FXR1: variants seen among roughly 807,000 people sequenced by gnomAD.
FXR1 encodes FMR1 autosomal homolog 1, also known as RNA-binding protein FXR1.
Under a neutral mutation model 84.0 loss-of-function variants are expected in FXR1, and 15 were observed. The observed-to-expected ratio is 0.18, with a 90% CI of 0.12 to 0.27. FXR1 has a LOEUF of 0.27. Among genes scored for constraint, FXR1 ranks in the 10% least tolerant of loss-of-function variants. The pLI, the probability that FXR1 is intolerant of heterozygous loss-of-function variation, is 1.00. For synonymous variants in FXR1, 245 were observed against 250.7 expected (o/e 0.98, Z 0.21); for missense variants, 480 against 774.4 (o/e 0.62, Z 4.51).
rs1204895036 is a variant in FXR1 at position 180,982,439 on chromosome 3, A to G, written c.*6147A>G. Reference sequence around the variant, plus strand: ...CTACTTAAAAAAGGTAAGCCTGGAGAAAATAAAACTGATTACTATGCAAGA... The same window carrying G: ...CTACTTAAAAAAGGTAAGCCTGGAGGAAATAAAACTGATTACTATGCAAGA... On this transcript the variant is annotated 3_prime_UTR_variant, in exon 17 of 17. Transcript: ENST00000357559. 1 of 152,124 alleles carries G rather than the reference A, an allele frequency of 6.6e-6. No individual in the cohort carries two copies. The highest frequency in any genetic ancestry group is 1.5e-5 in the Non-Finnish European group (1 of 67,996). 9.4% of individuals were successfully genotyped at this position (152,124 alleles called of 1,614,324 possible).
At chr3:180,923,394 G>A (rs558770130) in intron 1 of FXR1, among the ~76,000 whole-genome samples, 1 of 152,206 alleles carries the variant, frequency 6.6e-6, no homozygotes, top group East Asian at 1.9e-4. Context: ...GGCCAGTTAG[G>A]GATCTTATTT....
At chr3:180,941,205 T>C (rs962660302) in intron 3 of FXR1, among the ~76,000 whole-genome samples, 2 of 152,042 alleles carry the variant, frequency 1.3e-5, no homozygotes, top group African/African-American at 4.8e-5. Flanking sequence ...AATTTTATTT[T>C]TTTGAGACAG....
chr3:180,915,490 GT>G (rs546687001), intron 1 of FXR1: 3 of 1,483,364 alleles, frequency 2.0e-6, no homozygotes, highest in Non-Finnish European at 2.7e-6. Flanking sequence ...ATTTTAATTA[GT>G]TTTTTTCCAA....
At position 180,922,955 on chromosome 3, in the gene FXR1, T is replaced by C. The variant is rs542563829; in HGVS notation, c.51+10219T>C. 3.3e-5 allele frequency among the ~76,000 whole-genome samples: 5 copies of C among 152,260 alleles called. No individual in the cohort carries two copies. The South Asian group carries it at 6.2e-4, about 19-fold the overall frequency. ...ACTTCTTTTCTTATATTGCTGGTCA[T>C]AGTGAGATTTTAGTTTTTAACATAA... On this transcript the variant is annotated intron_variant, in intron 1 of 16. Coordinates refer to ENST00000357559, the MANE Select transcript of FXR1 (RefSeq NM_005087.4).
intron 1 of FXR1, among the ~76,000 whole-genome samples, chr3:180,930,901 G>A (rs950594443): frequency 1.3e-5 from 2 of 151,600 alleles, no homozygotes; most frequent in Admixed American, 6.6e-5. Flanking sequence ...GCTGGGTGTG[G>A]TGGTGTAGTC....
chr3:180,953,528 T>C (rs1722438229), intron 8 of FXR1, among the ~76,000 whole-genome samples: 1 of 152,210 alleles, frequency 6.6e-6, no homozygotes, highest in Admixed American at 6.5e-5. Flanking sequence ...TTTAGAGATG[T>C]TATTTTATTT....
At chr3:180,919,471 G>T (rs1244082083) in intron 1 of FXR1, among the ~76,000 whole-genome samples, 2 of 151,548 alleles carry the variant, frequency 1.3e-5, no homozygotes, top group Non-Finnish European at 2.9e-5. Flanking sequence ...TTTTAGTAGA[G>T]ACAGGGTTTC....
chr3:180,952,173 G>A (rs1576964612), intron 8 of FXR1, among the ~76,000 whole-genome samples: 1 of 152,162 alleles, frequency 6.6e-6, no homozygotes, highest in Admixed American at 6.5e-5. Context: ...GCACAGGCTT[G>A]TCTCGAACTC....
At chr3:180,928,918 G>C (rs1719555063) in intron 1 of FXR1, among the ~76,000 whole-genome samples, 1 of 148,962 alleles carries the variant, frequency 6.7e-6, no homozygotes, top group Non-Finnish European at 1.5e-5. Context: ...TTAATTTATG[G>C]CATTTTTTGT....
chr3:180,915,508 A>G, intron 1 of FXR1: 2 of 1,498,244 alleles, frequency 1.3e-6, no homozygotes. Flanking sequence ...CCAATTTAGA[A>G]GATAATACAT....
Position 180,936,037 on chromosome 3 carries a change from G to T in FXR1, c.198+806G>T, listed in dbSNP as rs185519626. Among the ~76,000 whole-genome samples the T allele has an allele frequency of 1.6e-3, 236 of 151,932 alleles. 2 individuals are homozygous for T. The highest frequency in any genetic ancestry group is 5.6e-3 in the African/African-American group (230 of 41,440). ...CTCCTGAATAGCTGGAACTACAGGC[G>T]TGTGTCACCACGCCTGGCTAATTTT... is the stretch of plus-strand genomic sequence containing the variant. On this transcript the variant is annotated intron_variant, in intron 3 of 16. Coordinates refer to ENST00000357559, the MANE Select transcript of FXR1 (RefSeq NM_005087.4).
intron 10 of FXR1, among the ~76,000 whole-genome samples, chr3:180,959,729 C>A (rs1243574778): frequency 6.6e-6 from 1 of 151,084 alleles, no homozygotes; most frequent in Non-Finnish European, 1.5e-5. Context: ...ACTCCCTAAT[C>A]TTAAATAAGG....
At chr3:180,931,406 A>G (rs373850052) in intron 1 of FXR1, among the ~76,000 whole-genome samples, 2 of 151,998 alleles carry the variant, frequency 1.3e-5, no homozygotes, top group South Asian at 2.1e-4. Context: ...TTTAGAAGAG[A>G]TGGAGTTTCA....
intron 1 of FXR1, chr3:180,927,752 G>GT: frequency 2.3e-6 from 1 of 435,820 alleles, no homozygotes; most frequent in Non-Finnish European, 4.1e-6. Context: ...ACAAATTGTA[G>GT]CAAATGTTTA....
At chr3:180,955,346 T>C (rs1445308928) in intron 9 of FXR1, among the ~76,000 whole-genome samples, 2 of 152,166 alleles carry the variant, frequency 1.3e-5, no homozygotes, top group African/African-American at 4.8e-5. Context: ...GGTATGACAT[T>C]ACTGCCAATT....
At chr3:180,945,264 C>G (rs186575696) in intron 3 of FXR1, among the ~76,000 whole-genome samples, 10 of 152,316 alleles carry the variant, frequency 6.6e-5, no homozygotes, top group Admixed American at 4.6e-4. Context: ...GTTGGATTGA[C>G]TAATCTATTG....
At chr3:180,972,453 CA>C (rs772593538) in intron 15 of FXR1, among the ~76,000 whole-genome samples, 1 of 149,816 alleles carries the variant, frequency 6.7e-6, no homozygotes, top group African/African-American at 2.5e-5. Context: ...GACCCTGTCT[CA>C]AAAAAAAATG....
intron 3 of FXR1, among the ~76,000 whole-genome samples, chr3:180,944,490 T>TA (rs201446051): frequency 1.3e-5 from 2 of 151,502 alleles, no homozygotes; most frequent in Admixed American, 6.6e-5. Context: ...CCTGGCTAAT[T>TA]AAAAAAAAAT....
intron 13 of FXR1, among the ~76,000 whole-genome samples, chr3:180,965,231 G>T (rs548072866): frequency 1.1e-4 from 16 of 151,954 alleles, no homozygotes; most frequent in Non-Finnish European, 1.5e-4. Flanking sequence ...GGTCAGGCTC[G>T]TCTCAAACTC....
Sources: allele counts gnomAD v4.1 joint callset (sites outside exome capture counted in the v4.1 genomes callset), GRCh38; gene constraint gnomAD v4.1.1; transcripts MANE v1.5; gene names NCBI Gene and HGNC (gene_info 2026-07-23, HGNC 2026-07-21).